The following PTPRD variants were observed in gnomAD, a reference collection of about 807,000 sequenced individuals.
PTPRD encodes the protein receptor-type tyrosine-protein phosphatase delta.
A neutral mutation model predicts 214.5 loss-of-function variants in PTPRD; 34 were observed. The ratio of observed to expected loss-of-function variants is 0.16; its 90% CI spans 0.12 to 0.21. PTPRD has a LOEUF of 0.21. PTPRD is among the 10% of genes least tolerant of loss of function. The pLI, the probability that PTPRD is intolerant of heterozygous loss-of-function variation, is 1.00. For missense variants in PTPRD, 2,545 were observed against 2,398.7 expected (o/e 1.06, Z -1.27); for synonymous variants, 1,128 against 845.7 (o/e 1.33, Z -5.79).
intron 5 of PTPRD, among the ~76,000 whole-genome samples, chr9:9,849,456 A>C (rs538048300): frequency 1.6e-4 from 25 of 152,282 alleles, no homozygotes; most frequent in Non-Finnish European, 3.7e-4. Context: ...ATGAGAACAG[A>C]AAGTCAAGAT....
chr9:9,643,417 C>G (rs1450846286), intron 7 of PTPRD, among the ~76,000 whole-genome samples: 1 of 152,036 alleles, frequency 6.6e-6, no homozygotes, highest in Non-Finnish European at 1.5e-5. Context: ...AACTCCAGGA[C>G]TGTTAGAAAA....
chr9:8,556,553 A>ATTTTATATTTCTTTTTTTTTTTTT (rs761184510), intron 14 of PTPRD, among the ~76,000 whole-genome samples: 113 of 151,886 alleles, frequency 7.4e-4, no homozygotes, highest in African/African-American at 2.7e-3. Flanking sequence ...ATACTTGTGT[A>ATTTTATATTTCTTTTTTTTTTTTT]TTTTATATTT....
chr9:8,386,527 G>C (rs2087127078), intron 37 of PTPRD, among the ~76,000 whole-genome samples: 1 of 152,120 alleles, frequency 6.6e-6, no homozygotes, highest in African/African-American at 2.4e-5. Context: ...GAGGTAATTT[G>C]TTTACGTTAC....
At chr9:9,194,027 G>A (rs1220138610) in intron 9 of PTPRD, among the ~76,000 whole-genome samples, 6 of 151,654 alleles carry the variant, frequency 4.0e-5, no homozygotes, top group African/African-American at 1.5e-4. Flanking sequence ...CTTATCTTAC[G>A]AGCTTTTCTG....
chr9:8,590,306 G>A (rs2094000438), intron 14 of PTPRD, among the ~76,000 whole-genome samples: 1 of 152,100 alleles, frequency 6.6e-6, no homozygotes. Context: ...GGATATCCAA[G>A]AATAATAATG....
At chr9:9,524,645 A>T (rs2154258489) in intron 8 of PTPRD, among the ~76,000 whole-genome samples, 1 of 152,330 alleles carries the variant, frequency 6.6e-6, no homozygotes, top group Non-Finnish European at 1.5e-5. Flanking sequence ...TCTCAGATCT[A>T]TGAGAACAAT....
At chr9:8,899,903 A>T (rs1225506990) in intron 11 of PTPRD, among the ~76,000 whole-genome samples, 2 of 152,202 alleles carry the variant, frequency 1.3e-5, no homozygotes, top group East Asian at 3.8e-4. Context: ...AAGTTTTTAG[A>T]ATGGGAGCAG....
At chr9:9,015,142 T>C (rs1217500560) in intron 11 of PTPRD, among the ~76,000 whole-genome samples, 2 of 151,928 alleles carry the variant, frequency 1.3e-5, no homozygotes, top group Non-Finnish European at 1.5e-5. Context: ...AATCAATCAA[T>C]CATGAATGTG....
At chr9:9,521,664 TATG>T (rs2096975764) in intron 8 of PTPRD, among the ~76,000 whole-genome samples, 1 of 152,140 alleles carries the variant, frequency 6.6e-6, no homozygotes, top group Non-Finnish European at 1.5e-5. Context: ...ATTAAAGCCC[TATG>T]CCTCGTAAAT....
At chr9:9,464,144 C>T (rs2093926469) in intron 8 of PTPRD, among the ~76,000 whole-genome samples, 1 of 152,136 alleles carries the variant, frequency 6.6e-6, no homozygotes, top group African/African-American at 2.4e-5. Context: ...GCCTCCATTC[C>T]AGGAAACACT....
chr9:9,364,173 T>C (rs1217042561), intron 9 of PTPRD, among the ~76,000 whole-genome samples: 9 of 151,432 alleles, frequency 5.9e-5, no homozygotes, highest in Non-Finnish European at 1.0e-4. Context: ...TCTAAATTGA[T>C]AGACTGATCG....
At chr9:10,123,259 T>A (rs1282848590) in intron 3 of PTPRD, among the ~76,000 whole-genome samples, 1 of 152,234 alleles carries the variant, frequency 6.6e-6, no homozygotes, top group Non-Finnish European at 1.5e-5. Context: ...TGGCCACCTT[T>A]AGACCCAATA....
At chr9:8,662,018 G>C (rs568862750) in intron 12 of PTPRD, among the ~76,000 whole-genome samples, 2 of 152,134 alleles carry the variant, frequency 1.3e-5, no homozygotes, top group Admixed American at 6.6e-5. Flanking sequence ...CCGGGTTCAA[G>C]TGATCTTCTA....
chr9:9,092,375 T>C (rs1388013825), intron 10 of PTPRD, among the ~76,000 whole-genome samples: 1 of 152,120 alleles, frequency 6.6e-6, no homozygotes, highest in East Asian at 1.9e-4. Flanking sequence ...TGATTCATAT[T>C]ATTATTGTTA....
chr9:10,375,663 A>G (rs2097713794), intron 2 of PTPRD, among the ~76,000 whole-genome samples: 1 of 152,032 alleles, frequency 6.6e-6, no homozygotes, highest in African/African-American at 2.4e-5. Context: ...TTTTATCACC[A>G]TAATCCCCAA....
chr9:9,520,304 G>GTT (rs946186401), intron 8 of PTPRD, among the ~76,000 whole-genome samples: 7 of 111,854 alleles, frequency 6.3e-5, no homozygotes, highest in African/African-American at 1.9e-4. Context: ...TATATATTAA[G>GTT]TTATATATAT....
chr9:9,334,894 G>A (rs2043825065), intron 9 of PTPRD, among the ~76,000 whole-genome samples: 1 of 151,736 alleles, frequency 6.6e-6, no homozygotes, highest in African/African-American at 2.4e-5. Flanking sequence ...TTACCAATAT[G>A]AGCATATAAT....
At chr9:8,899,081 T>A (rs1379400872) in intron 11 of PTPRD, among the ~76,000 whole-genome samples, 1 of 152,138 alleles carries the variant, frequency 6.6e-6, no homozygotes, top group African/African-American at 2.4e-5. Flanking sequence ...TATCAGATAA[T>A]TTTTTCTCTC....
chr9:9,940,267 A>G (rs912886598), intron 4 of PTPRD, among the ~76,000 whole-genome samples: 3 of 152,024 alleles, frequency 2.0e-5, no homozygotes, highest in Non-Finnish European at 2.9e-5. Flanking sequence ...TGGAAGTCTG[A>G]GGATAAAGGA....
Sources: gnomAD v4.1 joint callset for allele counts (sites outside exome capture counted in the v4.1 genomes callset) on GRCh38, gnomAD v4.1.1 for gene constraint, MANE v1.5 for transcripts, NCBI Gene and HGNC (gene_info 2026-07-23, HGNC 2026-07-21) for gene names.